Variants in PDK1 observed in about 807,000 individuals in gnomAD.
PDK1 encodes [Pyruvate dehydrogenase (acetyl-transferring)] kinase isozyme 1, mitochondrial.
Under a neutral mutation model 54.2 loss-of-function variants are expected in PDK1, and 39 were observed. The observed-to-expected ratio is 0.72, with a 90% CI of 0.56 to 0.94. The LOEUF is 0.94. PDK1 is among the 40% of genes least tolerant of loss of function. PDK1 has a pLI of 0.00. For synonymous variants in PDK1, 221 were observed against 207.1 expected (o/e 1.07, Z -0.58); for missense variants, 552 against 566.0 (o/e 0.98, Z 0.25).
At chr2:172,583,661 C>T (rs879493227) in intron 8 of PDK1, among the ~76,000 whole-genome samples, 12 of 151,778 alleles carry the variant, frequency 7.9e-5, no homozygotes, top group African/African-American at 1.2e-4. Context: ...TAGATGTATT[C>T]GAGGCACATC....
chr2:172,590,913 C>T (rs930399743), intron 9 of PDK1, among the ~76,000 whole-genome samples: 2 of 152,122 alleles, frequency 1.3e-5, no homozygotes, highest in African/African-American at 4.8e-5. Flanking sequence ...ACTGGCTTCA[C>T]CTCTCCATCC....
intron 8 of PDK1, among the ~76,000 whole-genome samples, chr2:172,580,380 GTTCT>G (rs1050654573): frequency 2.5e-4 from 38 of 152,050 alleles, no homozygotes; most frequent in African/African-American, 8.7e-4. Flanking sequence ...GCTGCAGCAT[GTTCT>G]TTCTTGTACC....
the PDK1 span, among the ~76,000 whole-genome samples, chr2:172,699,728 T>TTTTTTC: frequency 7.3e-6 from 1 of 136,702 alleles, no homozygotes; most frequent in Non-Finnish European, 1.6e-5. Context: ...TAAATGTGCT[T>TTTTTTC]TTTTTCTTTT....
At chr2:172,650,783 A>G in the PDK1 span, among the ~76,000 whole-genome samples, 2 of 152,154 alleles carry the variant, frequency 1.3e-5, no homozygotes, top group Non-Finnish European at 2.9e-5. Flanking sequence ...AGAGCTAACT[A>G]TCCTAAATAA....
intron 3 of PDK1, 127 bp from the exon 4 acceptor site, chr2:172,564,376 A>G: frequency 1.5e-6 from 1 of 682,142 alleles, no homozygotes; most frequent in Non-Finnish European, 2.6e-6. Context: ...AGTATAGGAA[A>G]ACATGAACCG....
At chr2:172,637,187 A>G in the PDK1 span, among the ~76,000 whole-genome samples, 1 of 152,242 alleles carries the variant, frequency 6.6e-6, no homozygotes, top group South Asian at 2.1e-4. Flanking sequence ...AAAATGTTTC[A>G]TGTTTCCAAG....
At chr2:172,660,603 C>T in the PDK1 span, among the ~76,000 whole-genome samples, 1 of 151,926 alleles carries the variant, frequency 6.6e-6, no homozygotes, top group Non-Finnish European at 1.5e-5. Context: ...TAATTGTGAC[C>T]TCCTTAATCA....
At chr2:172,687,231 A>T in the PDK1 span, among the ~76,000 whole-genome samples, 1 of 152,202 alleles carries the variant, frequency 6.6e-6, no homozygotes, top group South Asian at 2.1e-4. Flanking sequence ...ATGAGGTTGA[A>T]TATCTTTTTA....
the PDK1 span, among the ~76,000 whole-genome samples, chr2:172,675,451 G>A: frequency 6.6e-6 from 1 of 152,330 alleles, no homozygotes; most frequent in Middle Eastern, 3.4e-3. Flanking sequence ...TGATAAGAAA[G>A]TGAAGCATCC....
chr2:172,630,613 T>G, the PDK1 span, among the ~76,000 whole-genome samples: 1 of 144,556 alleles, frequency 6.9e-6, no homozygotes, highest in South Asian at 2.3e-4. Context: ...TATCCACCTA[T>G]TTTTTACCCT....
chr2:172,568,873 T>C (rs747048955), intron 7 of PDK1, 56 bp downstream of exon 7: 18 of 1,053,544 alleles, frequency 1.7e-5, no homozygotes, highest in Non-Finnish European at 2.4e-5. Flanking sequence ...GTTAGGAATC[T>C]GCTCTGAAAG....
the PDK1 span, among the ~76,000 whole-genome samples, chr2:172,684,704 G>T: frequency 2.1e-3 from 314 of 152,272 alleles, no homozygotes; most frequent in Admixed American, 3.3e-3. Context: ...TATCTACTCA[G>T]TTGCTCATGC....
chr2:172,587,041 C>T (rs567021562), intron 9 of PDK1, among the ~76,000 whole-genome samples: 1 of 152,136 alleles, frequency 6.6e-6, no homozygotes, highest in Non-Finnish European at 1.5e-5. Flanking sequence ...TCTGACATTT[C>T]CAGTAGAGTT....
the PDK1 span, among the ~76,000 whole-genome samples, chr2:172,661,350 G>T: frequency 1.3e-5 from 2 of 152,262 alleles, no homozygotes; most frequent in East Asian, 3.9e-4. Flanking sequence ...TGAAAACAAA[G>T]GTAATAAATA....
At chr2:172,614,988 T>C in the PDK1 span, among the ~76,000 whole-genome samples, 30,649 of 152,168 alleles carry the variant, frequency 0.2, 3,540 homozygotes, top group African/African-American at 0.3. Flanking sequence ...TACTATTGTG[T>C]ACTAATACTG....
chr2:172,719,354 T>A, the PDK1 span, among the ~76,000 whole-genome samples: 1 of 152,216 alleles, frequency 6.6e-6, no homozygotes, highest in Admixed American at 6.5e-5. Flanking sequence ...TAGATCATAC[T>A]GTATGTTTAG....
At chr2:172,586,508 A>G in intron 9 of PDK1, 120 bp downstream of exon 9, 1 of 558,478 alleles carries the variant, frequency 1.8e-6, no homozygotes. Context: ...AGAAGCTCTT[A>G]GAAATGCACA....
chr2:172,588,708 G>A (rs1196728612), intron 9 of PDK1, among the ~76,000 whole-genome samples: 1 of 152,172 alleles, frequency 6.6e-6, no homozygotes, highest in Admixed American at 6.5e-5. Context: ...CTGGAGAAAG[G>A]CCAGCTGATG....
chr2:172,627,785 A>C, the PDK1 span, among the ~76,000 whole-genome samples: 1 of 152,192 alleles, frequency 6.6e-6, no homozygotes, highest in Non-Finnish European at 1.5e-5. Context: ...CCCTATACAA[A>C]CCAAAGATAA....
Sources: allele counts gnomAD v4.1 joint callset (sites outside exome capture counted in the v4.1 genomes callset), GRCh38; gene constraint gnomAD v4.1.1; transcripts MANE v1.5; gene names NCBI Gene and HGNC (gene_info 2026-07-23, HGNC 2026-07-21).